The following CFAP70 variants were observed in gnomAD, a reference collection of about 807,000 sequenced individuals.
The protein encoded by CFAP70 is cilia and flagella associated protein 70.
CFAP70 carries 81 observed loss-of-function variants against 137.6 expected under a neutral mutation model. That is an observed-to-expected ratio of 0.59 (90% CI 0.49 to 0.71). The LOEUF (loss-of-function observed/expected upper bound fraction) is 0.71. Among genes scored for constraint, CFAP70 ranks in the 30% least tolerant of loss-of-function variants. The probability of loss-of-function intolerance (pLI) is 0.00; values close to 1 mark genes in which losing one functional copy is unlikely to be tolerated. For synonymous variants in CFAP70, 382 were observed against 423.6 expected (o/e 0.90, Z 1.20); for missense variants, 976 against 1,226.7 (o/e 0.80, Z 3.05).
chr10:73,274,387 A>G (rs1172757097), intron 23 of CFAP70, 46 bp downstream of exon 24: 3 of 1,551,750 alleles, frequency 1.9e-6, no homozygotes, highest in Non-Finnish European at 2.6e-6. Flanking sequence ...TTGAATTACA[A>G]TTAGTTCCCA....
chr10:73,326,941 T>G (rs552641723), intron 8 of CFAP70, among the ~76,000 whole-genome samples: 43 of 151,676 alleles, frequency 2.8e-4, no homozygotes, highest in African/African-American at 9.9e-4. Context: ...CTTCTGAAAC[T>G]ATTCCAATCA....
chr10:73,354,682 T>C (rs908658875), intron 2 of CFAP70, 52 bp downstream of exon 2: 1 of 1,493,144 alleles, frequency 6.7e-7, no homozygotes, highest in Non-Finnish European at 9.3e-7. Flanking sequence ...CCATTCCTCC[T>C]GCAGGTACTC....
intron 8 of CFAP70, among the ~76,000 whole-genome samples, chr10:73,330,857 A>G (rs910423136): frequency 6.6e-6 from 1 of 152,268 alleles, no homozygotes; most frequent in East Asian, 1.9e-4. Context: ...TAAGAAGGCA[A>G]GTTTAACCTA....
At chr10:73,353,636 T>A (rs775507814) in exon 3 of CFAP70, 1 of 1,614,184 alleles carries the variant, frequency 6.2e-7, no homozygotes, top group East Asian at 2.2e-5. Context: ...GAAGTTGTAT[T>A]TTGCACTTCC....
At chr10:73,303,059 A>G (rs954461957) in intron 12 of CFAP70, among the ~76,000 whole-genome samples, 3 of 150,464 alleles carry the variant, frequency 2.0e-5, no homozygotes, top group African/African-American at 7.3e-5. Flanking sequence ...ACCACACCCA[A>G]CTAATTTTTT....
chr10:73,346,317 A>C (rs1225101161), intron 4 of CFAP70, among the ~76,000 whole-genome samples: 1 of 152,126 alleles, frequency 6.6e-6, no homozygotes, highest in Non-Finnish European at 1.5e-5. Flanking sequence ...ATTTTCACTC[A>C]GGATACATAC....
chr10:73,304,865 A>C (rs2049252186), intron 12 of CFAP70, among the ~76,000 whole-genome samples: 1 of 151,980 alleles, frequency 6.6e-6, no homozygotes, highest in African/African-American at 2.4e-5. Flanking sequence ...AAAAACACAC[A>C]CACCAGAAAC....
At chr10:73,350,192 T>C (rs564299290) in intron 3 of CFAP70, among the ~76,000 whole-genome samples, 2 of 152,360 alleles carry the variant, frequency 1.3e-5, no homozygotes, top group Admixed American at 6.5e-5. Context: ...AATAGTTACA[T>C]AGAATGTCAC....
intron 7 of CFAP70, 97 bp downstream of exon 8, chr10:73,335,333 A>G: frequency 1.4e-6 from 1 of 712,892 alleles, no homozygotes; most frequent in East Asian, 2.7e-5. Flanking sequence ...ATCTAAAATC[A>G]CCTTAACTCA....
At chr10:73,335,888 C>T (rs1236948050) in intron 6 of CFAP70, among the ~76,000 whole-genome samples, 1 of 150,414 alleles carries the variant, frequency 6.6e-6, no homozygotes, top group Non-Finnish European at 1.5e-5. Context: ...CACCTGTAAT[C>T]CCAACACTTT....
At chr10:73,287,424 C>T (rs527475555) in intron 19 of CFAP70, among the ~76,000 whole-genome samples, 1 of 152,284 alleles carries the variant, frequency 6.6e-6, no homozygotes, top group South Asian at 2.1e-4. Context: ...TTATGTGGTA[C>T]ATGACCACAT....
intron 16 of CFAP70, 57 bp from the exon 18 acceptor site, chr10:73,292,071 G>A (rs761407989): frequency 2.3e-5 from 36 of 1,586,802 alleles, no homozygotes; most frequent in African/African-American, 4.1e-5. Context: ...TTATGCATAC[G>A]ACATCACATG....
In CFAP70 at chr10:73,272,922, T is replaced by C; in HGVS notation, c.2925+6A>G. On this transcript the variant is annotated splice_donor_region_variant and intron_variant, in intron 24 of 26. Coordinates refer to ENST00000310715, the Ensembl canonical transcript of CFAP70. ...CAGCCCTAGTCTCAAGCCTTCATCC[T>C]CTTACCCGATAGCAGGCGATTCCCA... 6.4e-7 allele frequency: 1 copy of C among 1,551,558 alleles called. No individual in the cohort carries two copies. Among genetic ancestry groups the C allele is most frequent in the Admixed American group, 2.0e-5 (1 of 51,022 alleles).
intron 8 of CFAP70, among the ~76,000 whole-genome samples, chr10:73,325,545 T>C (rs1189203170): frequency 2.0e-5 from 3 of 151,956 alleles, no homozygotes; most frequent in Non-Finnish European, 4.4e-5. Flanking sequence ...GACTGGCAAA[T>C]TGGATAAAGA....
At position 73,277,220 on chromosome 10, in the gene CFAP70, C is replaced by T; in HGVS notation, c.2520+20G>A. 6.2e-7 allele frequency: 1 copy of T among 1,600,020 alleles called. No individual in the cohort carries two copies. Among genetic ancestry groups the T allele is most frequent in the Non-Finnish European group, 8.5e-7 (1 of 1,174,108 alleles). ...TGCTAAAATCTTTCCATCTACTTGCCCTTTTCCAAATACTCTGACCTGCAC... is the reference window on the plus strand; with the variant it reads ...TGCTAAAATCTTTCCATCTACTTGCTCTTTTCCAAATACTCTGACCTGCAC... On this transcript the variant is annotated intron_variant, in intron 21 of 26. Transcript: ENST00000310715.
At chr10:73,321,450 CT>C (rs1379181589) in intron 9 of CFAP70, among the ~76,000 whole-genome samples, 1 of 152,028 alleles carries the variant, frequency 6.6e-6, no homozygotes, top group African/African-American at 2.4e-5. Context: ...ATAAATGTGG[CT>C]TCTAGTTCAA....
At chr10:73,253,896 C>T in exon 27 of CFAP70, 1 of 1,153,442 alleles carries the variant, frequency 8.7e-7, no homozygotes, top group Non-Finnish European at 1.2e-6. Flanking sequence ...TCTCCAGCTC[C>T]AGGCTTCATA....
intron 6 of CFAP70, among the ~76,000 whole-genome samples, chr10:73,336,866 G>A (rs935118215): frequency 6.6e-5 from 10 of 151,838 alleles, no homozygotes; most frequent in Non-Finnish European, 1.2e-4. Flanking sequence ...ATGAGCCACC[G>A]CGCCCGGCCG....
rs2052551657 is a variant in CFAP70 at position 73,335,460 on chromosome 10, C to T, written c.647G>A (p.Arg216His). Residue 216 changes from arginine to histidine, a missense_variant, in exon 7 of 27, where the codon CGC (arginine) becomes CAC (histidine). Coordinates refer to ENST00000310715, the Ensembl canonical transcript of CFAP70. ...CACTGCAGAAGGATCAAGGTAGCAG[C>T]GACTTTCCAAGTCCCAAATAATCCT... is the stretch of plus-strand genomic sequence containing the variant. 5 of 1,610,864 alleles carry T rather than the reference C, an allele frequency of 3.1e-6. No homozygotes were observed. Among genetic ancestry groups the T allele is most frequent in the Non-Finnish European group, 4.2e-6 (5 of 1,178,050 alleles).
Sources: allele counts gnomAD v4.1 joint callset (sites outside exome capture counted in the v4.1 genomes callset), GRCh38; gene constraint gnomAD v4.1.1; transcripts MANE v1.5; gene names NCBI Gene and HGNC (gene_info 2026-07-23, HGNC 2026-07-21).